RIMS1: variants seen among roughly 807,000 people sequenced by gnomAD.
The protein encoded by RIMS1 is regulating synaptic membrane exocytosis 1, also known as regulating synaptic membrane exocytosis protein 1.
Under a neutral mutation model 214.1 loss-of-function variants are expected in RIMS1, and 83 were observed. That is an observed-to-expected ratio of 0.39 (90% CI 0.32 to 0.47). The LOEUF (loss-of-function observed/expected upper bound fraction) is 0.47. Among genes scored for constraint, RIMS1 ranks in the 20% least tolerant of loss-of-function variants. The probability of loss-of-function intolerance (pLI) is 0.99; values close to 1 mark genes in which losing one functional copy is unlikely to be tolerated. For missense variants in RIMS1, 2,050 were observed against 2,161.8 expected, an observed-to-expected ratio of 0.95 and a Z score of 1.03; for synonymous variants, 793 against 786.8, an observed-to-expected ratio of 1.01 and a Z score of -0.13.
rs532652925 is a variant in RIMS1, at chr6:71,968,978, C to G, written c.165-5C>G. On this transcript the variant is annotated splice_region_variant and splice_polypyrimidine_tract_variant and intron_variant, in intron 1 of 33. Coordinates refer to ENST00000521978, the MANE Select transcript of RIMS1 (RefSeq NM_014989.7). ...GTGCGTTGTGCTGTCTATCATGCGC[C>G]CCAGGTGTGTTGTCAGGGACATGGC... 93 of 1,613,766 alleles carry G rather than the reference C, an allele frequency of 5.8e-5. No homozygotes were observed. The East Asian group carries it at 1.9e-3, about 32-fold the overall frequency.
intron 28 of RIMS1, among the ~76,000 whole-genome samples, chr6:72,322,846 G>A (rs2096245156): frequency 2.0e-5 from 3 of 152,054 alleles, no homozygotes. Context: ...CAGAGAAACT[G>A]GAAATTGTGA....
chr6:72,150,445 G>T (rs1183128626), intron 4 of RIMS1, among the ~76,000 whole-genome samples: 1 of 152,162 alleles, frequency 6.6e-6, no homozygotes, highest in Non-Finnish European at 1.5e-5. Context: ...TTTAGGATTT[G>T]TCTGCCTCCT....
intron 29 of RIMS1, among the ~76,000 whole-genome samples, chr6:72,364,060 C>G (rs2097911578): frequency 6.6e-6 from 1 of 152,216 alleles, no homozygotes; most frequent in Non-Finnish European, 1.5e-5. Flanking sequence ...GCACCAACTC[C>G]TCCACTCTGG....
chr6:72,255,367 TA>T (rs1400982318), intron 16 of RIMS1, among the ~76,000 whole-genome samples: 1 of 152,186 alleles, frequency 6.6e-6, no homozygotes, highest in Non-Finnish European at 1.5e-5. Context: ...CCTGGTTGTT[TA>T]TTATCTAGAG....
intron 1 of RIMS1, among the ~76,000 whole-genome samples, chr6:71,923,368 T>C (rs1030664122): frequency 2.0e-5 from 3 of 152,180 alleles, no homozygotes; most frequent in Non-Finnish European, 4.4e-5. Context: ...AACTGTCTTA[T>C]GTAGTGCGGA....
At chr6:72,214,795 C>G (rs770830137) in intron 6 of RIMS1, among the ~76,000 whole-genome samples, 12 of 151,702 alleles carry the variant, frequency 7.9e-5, no homozygotes, top group Non-Finnish European at 1.6e-4. Context: ...GATCTTGGCT[C>G]GTTGCAACCT....
intron 24 of RIMS1, among the ~76,000 whole-genome samples, chr6:72,286,495 C>G (rs1245278057): frequency 1.3e-5 from 2 of 152,210 alleles, no homozygotes; most frequent in East Asian, 3.9e-4. Context: ...TCTTGCCTTT[C>G]CTTTGCTTAT....
intron 3 of RIMS1, 21 bp downstream of exon 3, chr6:72,097,183 AG>A: frequency 6.2e-7 from 1 of 1,604,950 alleles, no homozygotes; most frequent in Non-Finnish European, 8.5e-7. Context: ...CATGAACATA[AG>A]GGGCGTTGTG....
At chr6:72,336,271 A>G (rs2096839852) in intron 29 of RIMS1, among the ~76,000 whole-genome samples, 1 of 151,796 alleles carries the variant, frequency 6.6e-6, no homozygotes, top group Non-Finnish European at 1.5e-5. Context: ...TTCTTATAAA[A>G]CACAGCAGTA....
chr6:72,257,982 G>T, intron 16 of RIMS1, 143 bp from the exon 17 acceptor site: 2 of 701,968 alleles, frequency 2.8e-6, no homozygotes, highest in Non-Finnish European at 4.7e-6. Context: ...TAATATTTTT[G>T]AAGATAAGGC....
intron 1 of RIMS1, among the ~76,000 whole-genome samples, chr6:71,911,558 G>T (rs1776939001): frequency 6.6e-6 from 1 of 152,100 alleles, no homozygotes; most frequent in South Asian, 2.1e-4. Flanking sequence ...GCCCTTGGTG[G>T]ATTTAGCACT....
Position 72,182,698 on chromosome 6 carries a change from C to G in RIMS1, c.1227C>G (p.Ala409=). The G allele has an allele frequency of 6.6e-7, 1 of 1,506,312 alleles. No individual in the cohort carries two copies. The highest frequency in any genetic ancestry group is 1.3e-5 in the South Asian group (1 of 77,866). 93.3% of individuals were successfully genotyped at this position (1,506,312 alleles called of 1,614,324 possible). Reference sequence around the variant, plus strand: ...GCGCGGCGCTGCCGGAGGGCAAGGCCGGCAAACGCGCGCCGGCGGCAGCCA... The same window carrying G: ...GCGCGGCGCTGCCGGAGGGCAAGGCGGGCAAACGCGCGCCGGCGGCAGCCA... The part of the protein sequence containing the change: ...EAGAALPEGK[A]GKRAPAAARA... Residue 409 remains alanine (A), a synonymous_variant, in exon 6 of 34, where the codon GCC becomes GCG. Transcript: ENST00000521978.
At chr6:71,888,848 T>G (rs778214977) in intron 1 of RIMS1, among the ~76,000 whole-genome samples, 2 of 152,224 alleles carry the variant, frequency 1.3e-5, no homozygotes, top group Non-Finnish European at 2.9e-5. Flanking sequence ...CCTGCCGGCT[T>G]GAGGGAGGCA....
At chr6:72,012,300 A>G (rs899335176) in intron 2 of RIMS1, among the ~76,000 whole-genome samples, 1 of 152,048 alleles carries the variant, frequency 6.6e-6, no homozygotes, top group Non-Finnish European at 1.5e-5. Flanking sequence ...TGGACACAGG[A>G]AGGGGAACAT....
intron 28 of RIMS1, among the ~76,000 whole-genome samples, chr6:72,332,682 TAAA>T (rs745643840): frequency 7.9e-6 from 1 of 126,154 alleles, no homozygotes. Context: ...ACTTAAAGTA[TAAA>T]AAAAAAAAAA....
At chr6:72,393,106 T>C (rs1266603157) in intron 31 of RIMS1, among the ~76,000 whole-genome samples, 1 of 148,002 alleles carries the variant, frequency 6.8e-6, no homozygotes, top group Non-Finnish European at 1.5e-5. Flanking sequence ...AAAAAGACTG[T>C]TCAGTAAAGT....
chr6:71,923,359 A>C (rs1780583992), intron 1 of RIMS1, among the ~76,000 whole-genome samples: 1 of 152,158 alleles, frequency 6.6e-6, no homozygotes, highest in African/African-American at 2.4e-5. Context: ...TGATCCTACA[A>C]CTGTCTTATG....
chr6:72,186,766 C>A (rs187213774), intron 6 of RIMS1, among the ~76,000 whole-genome samples: 1 of 127,196 alleles, frequency 7.9e-6, no homozygotes, highest in African/African-American at 3.1e-5. Flanking sequence ...GTCCGAACTG[C>A]ATGTATATAT....
At chr6:72,016,129 A>G (rs1812679365) in intron 2 of RIMS1, among the ~76,000 whole-genome samples, 2 of 152,198 alleles carry the variant, frequency 1.3e-5, no homozygotes, top group African/African-American at 4.8e-5. Context: ...TGTTAAACCA[A>G]CCTTGCATTC....
Sources: gnomAD v4.1 joint callset for allele counts (sites outside exome capture counted in the v4.1 genomes callset) on GRCh38, gnomAD v4.1.1 for gene constraint, MANE v1.5 for transcripts, NCBI Gene and HGNC (gene_info 2026-07-23, HGNC 2026-07-21) for gene names.